The following ADAM19 variants were observed in gnomAD, a reference collection of about 807,000 sequenced individuals.
ADAM19 encodes the protein ADAM metallopeptidase domain 19.
Under a neutral mutation model 114.7 loss-of-function variants are expected in ADAM19, and 65 were observed. The observed-to-expected ratio is 0.57, with a 90% CI of 0.46 to 0.70. The LOEUF (loss-of-function observed/expected upper bound fraction) is 0.70, where lower values mean the gene tolerates loss of function less well. Ranked by LOEUF, ADAM19 falls within the 30% of genes least tolerant of loss-of-function variation. ADAM19 has a pLI of 0.00. For missense variants in ADAM19, 1,063 were observed against 1,204.7 expected (o/e 0.88, Z 1.74); for synonymous variants, 466 against 460.5 (o/e 1.01, Z -0.15).
chr5:157,500,936 C>T (rs1755542157), intron 12 of ADAM19, among the ~76,000 whole-genome samples: 2 of 152,218 alleles, frequency 1.3e-5, no homozygotes, highest in South Asian at 4.1e-4. Flanking sequence ...GACAGGGATG[C>T]TGTGGCTCAG....
intron 3 of ADAM19, among the ~76,000 whole-genome samples, chr5:157,539,024 G>T (rs891703250): frequency 1.3e-5 from 2 of 152,040 alleles, no homozygotes; most frequent in Non-Finnish European, 2.9e-5. Context: ...AATTAGCCAG[G>T]TGTGGTAGCA....
chr5:157,480,783 G>C lies in ADAM19; in HGVS notation c.*166C>G. On this transcript the variant is annotated 3_prime_UTR_variant, in exon 23 of 23. Coordinates refer to ENST00000257527, the MANE Select transcript of ADAM19 (RefSeq NM_033274.5). The stretch of plus-strand genomic sequence containing the variant: ...GTCCCTCTGGGCTTCCAAGGAAGCC[G>C]AGGAGGCACTGAGTCAACAGGGAGA... The C allele has an allele frequency of 2.1e-6, 3 of 1,456,010 alleles. No homozygotes were observed. The highest frequency in any genetic ancestry group is 1.8e-6 in the Non-Finnish European group (2 of 1,110,554). 90.2% of individuals were successfully genotyped at this position (1,456,010 alleles called of 1,614,324 possible).
At chr5:157,490,521 G>T in intron 18 of ADAM19, 67 bp from the exon 19 acceptor site, 1 of 1,548,682 alleles carries the variant, frequency 6.5e-7, no homozygotes, top group Non-Finnish European at 8.8e-7. Context: ...TTCAAAATAG[G>T]TATTCGTGCT....
chr5:157,493,106 A>G lies in ADAM19; in HGVS notation c.1775T>C (p.Ile592Thr). The change falls in exon 16 of 23, where the codon ATT becomes ACT. Residue 592 changes from isoleucine to threonine, a missense_variant. Ile to Thr is a moderately conservative substitution (Grantham distance 89). Around this residue, in one of 3 missense-constraint regions of ADAM19, gnomAD observed 424 missense variants for 445.5 expected, o/e 0.95. Transcript: ENST00000257527. ...ARPLESNAVP[I>T]DTTIIMNGRQ... ...CCCATTCATGATGATAGTGGTGTCA[A>G]TGGGCACCGCGTTGGACTCCAGGGG... is the stretch of plus-strand genomic sequence containing the variant. 6.2e-7 allele frequency: 1 copy of G among 1,614,178 alleles called. No homozygotes were observed.
intron 10 of ADAM19, 27 bp from the exon 11 acceptor site, chr5:157,505,835 A>C (rs1036079692): frequency 6.2e-7 from 1 of 1,609,366 alleles, no homozygotes; most frequent in Non-Finnish European, 8.5e-7. Flanking sequence ...GTTGAGGTCA[A>C]GGTCAAGGGG....
At chr5:157,541,969 ACT>A (rs1228479329) in intron 3 of ADAM19, among the ~76,000 whole-genome samples, 1 of 152,134 alleles carries the variant, frequency 6.6e-6, no homozygotes, top group Non-Finnish European at 1.5e-5. Flanking sequence ...GGCGAGCATC[ACT>A]CTGCTCATCT....
intron 13 of ADAM19, among the ~76,000 whole-genome samples, chr5:157,497,598 C>CAG (rs1755407487): frequency 6.6e-6 from 1 of 151,776 alleles, no homozygotes; most frequent in Non-Finnish European, 1.5e-5. Flanking sequence ...CACACACACA[C>CAG]AAAACTAGCA....
intron 8 of ADAM19, among the ~76,000 whole-genome samples, chr5:157,510,053 G>T (rs891817626): frequency 6.6e-6 from 1 of 152,070 alleles, no homozygotes; most frequent in African/African-American, 2.4e-5. Context: ...CTTTCTTATG[G>T]GTATCTAAAA....
rs750253647 is a variant in ADAM19 at position 157,479,589 on chromosome 5, C to A, written c.*1360G>T. The A allele has an allele frequency of 1.0e-6, 1 of 985,762 alleles. No individual in the cohort carries two copies. Among genetic ancestry groups the A allele is most frequent in the African/African-American group, 1.7e-5 (1 of 57,228 alleles). The allele number at this position is 985,762 out of a possible 1,614,324, so 61.1% of individuals were successfully genotyped here. A position where few individuals can be genotyped will look rare whatever the true frequency, so the allele number is the denominator to read the frequency against. Reference sequence around the variant, plus strand: ...CTGCTGCAGGGAAGACAGGAGCCACCGCAGACCCCCTCACCTGCTCAGAGC... The same window carrying A: ...CTGCTGCAGGGAAGACAGGAGCCACAGCAGACCCCCTCACCTGCTCAGAGC... On this transcript the variant is annotated 3_prime_UTR_variant, in exon 23 of 23. Transcript: ENST00000257527.
rs142820331 is a variant in ADAM19, at chr5:157,504,625, T to A, written c.1130+1044A>T. ...CACCAGAGCTCTAAGAAAGCTGCAC[T>A]GTTTCTTGGAGACATTGAAACACCA... On this transcript the variant is annotated intron_variant, in intron 11 of 22. Transcript: ENST00000257527. 9.2e-5 allele frequency among the ~76,000 whole-genome samples: 14 copies of A among 152,228 alleles called. No homozygotes were observed. The East Asian group carries it at 2.3e-3, about 25-fold the overall frequency.
intron 10 of ADAM19, 27 bp from the exon 11 acceptor site, chr5:157,505,835 A>G: frequency 6.2e-7 from 1 of 1,609,366 alleles, no homozygotes; most frequent in Non-Finnish European, 8.5e-7. Context: ...GTTGAGGTCA[A>G]GGTCAAGGGG....
rs1038412130 is a variant in ADAM19, at chr5:157,493,000, C to T, written c.1881G>A (p.Met627Ile). ...GGTTGTAGCCACACTTGGTTCCAGTCATCACCAGCCCTGGGTCCAGCATGT... is the reference window on the plus strand; with the variant it reads ...GGTTGTAGCCACACTTGGTTCCAGTTATCACCAGCCCTGGGTCCAGCATGT... ...EGDMLDPGLVMTGTKCGYNHI... is the reference protein window; with the variant it reads ...EGDMLDPGLVITGTKCGYNHI... The change falls in exon 16 of 23, where the codon ATG becomes ATA. Residue 627 changes from methionine (M) to isoleucine (I), a missense_variant. Transcript: ENST00000257527. 6.2e-7 allele frequency: 1 copy of T among 1,614,228 alleles called. No homozygotes were observed. The highest frequency in any genetic ancestry group is 1.3e-5 in the African/African-American group (1 of 75,056).
At chr5:157,494,219 T>C (rs1445106331) in intron 15 of ADAM19, among the ~76,000 whole-genome samples, 1 of 151,080 alleles carries the variant, frequency 6.6e-6, no homozygotes, top group Non-Finnish European at 1.5e-5. Context: ...GGAGGATGGA[T>C]AGATGGATGG....
In ADAM19 at chr5:157,548,355, C is replaced by T. The variant is rs115916940; in HGVS notation, c.252-10364G>A. ...CTATTCTGATCACCATTGATTCTCC[C>T]GGGAATAACCAGGACCTATCCCAGT... On this transcript the variant is annotated intron_variant, in intron 3 of 22. Transcript: ENST00000257527. Among the ~76,000 whole-genome samples, 598 of 152,292 alleles carry T rather than the reference C, an allele frequency of 3.9e-3. 7 individuals are homozygous for T. Among genetic ancestry groups the T allele is most frequent in the African/African-American group, 0.013 (554 of 41,552 alleles).
At chr5:157,502,207 T>C (rs925351625) in intron 12 of ADAM19, among the ~76,000 whole-genome samples, 6 of 152,252 alleles carry the variant, frequency 3.9e-5, no homozygotes, top group African/African-American at 1.4e-4. Context: ...AATCCAGTTC[T>C]GCTTTCTGCA....
intron 21 of ADAM19, among the ~76,000 whole-genome samples, chr5:157,483,910 C>A (rs556926383): frequency 2.4e-4 from 36 of 151,160 alleles, no homozygotes; most frequent in Admixed American, 2.1e-3. Context: ...TGGGATTACA[C>A]GTGTGAGCCA....
Position 157,479,225 on chromosome 5 carries a change from CT to C in ADAM19, c.*1723del, listed in dbSNP as rs1379129442. 1.1e-5 allele frequency: 11 copies of C among 985,794 alleles called. No homozygotes were observed. The allele number at this position is 985,794 out of a possible 1,614,324, so 61.1% of individuals were successfully genotyped here. On this transcript the variant is annotated 3_prime_UTR_variant, in exon 23 of 23. Transcript: ENST00000257527. ...GAGATCTTTCTAAACCCAACCCAGG[CT>C]TTTCCCCCAGGGGTACATCCCGTAT...
At chr5:157,484,731 G>A (rs1754876883) in intron 21 of ADAM19, among the ~76,000 whole-genome samples, 4 of 152,192 alleles carry the variant, frequency 2.6e-5, no homozygotes, top group Admixed American at 2.6e-4. Flanking sequence ...ACCTTCCCCA[G>A]CTCAGAATAG....
rs776187626 is a variant in ADAM19, at chr5:157,490,326, GC to G, written c.2223del (p.Lys741AsnfsTer2). 1.2e-6 allele frequency: 2 copies of G among 1,614,134 alleles called. No individual in the cohort carries two copies. Among genetic ancestry groups the G allele is most frequent in the Non-Finnish European group, 1.7e-6 (2 of 1,180,042 alleles). On this transcript the variant is annotated frameshift_variant, in exon 19 of 23. Transcript: ENST00000257527. LOFTEE classifies it high-confidence loss of function. ...CTGTCATACCTGAACTGTTGCCTCAGCTTGGAAGGGAGAGCTGAGGGCTTGA... is the reference window on the plus strand; with the variant it reads ...CTGTCATACCTGAACTGTTGCCTCAGTTGGAAGGGAGAGCTGAGGGCTTGA... ...GQLKPSALPS[K>X]LRQQFSCPFR... is the part of the protein sequence containing the mutation.
Sources: allele counts gnomAD v4.1 joint callset (sites outside exome capture counted in the v4.1 genomes callset), GRCh38; gene constraint gnomAD v4.1.1; regional missense constraint gnomAD v4.1.1; transcripts MANE v1.5; gene names NCBI Gene and HGNC (gene_info 2026-07-23, HGNC 2026-07-21).